The following GRIN2D variants were observed in gnomAD, a reference collection of about 807,000 sequenced individuals.
GRIN2D encodes the protein glutamate receptor ionotropic, NMDA 2D.
Under a neutral mutation model 103.2 loss-of-function variants are expected in GRIN2D, and 37 were observed. The observed-to-expected ratio is 0.36, with a 90% CI of 0.28 to 0.47. The LOEUF (loss-of-function observed/expected upper bound fraction) is 0.47. Ranked by LOEUF, GRIN2D falls within the 20% of genes least tolerant of loss-of-function variation. GRIN2D has a pLI of 1.00. For missense variants in GRIN2D, 1,557 were observed against 1,910.6 expected, an observed-to-expected ratio of 0.81 and a Z score of 3.45; for synonymous variants, 845 against 885.6, an observed-to-expected ratio of 0.95 and a Z score of 0.81.
chr19:48,438,287 C>CTTTTTTTTTTTTTTTTTTTTT, intron 11 of GRIN2D, among the ~76,000 whole-genome samples: 1 of 57,754 alleles, frequency 1.7e-5, no homozygotes, highest in Non-Finnish European at 2.9e-5. Context: ...ATCCAGCCGC[C>CTTTTTTTTTTTTTTTTTTTTT]TTTTTTTTTT....
intron 11 of GRIN2D, among the ~76,000 whole-genome samples, chr19:48,427,051 G>T (rs1395380290): frequency 6.6e-6 from 1 of 151,996 alleles, no homozygotes; most frequent in Non-Finnish European, 1.5e-5. Flanking sequence ...TAGGCACAGT[G>T]GCTCATGCCT....
At chr19:48,423,047 C>T (rs1391307128) in intron 11 of GRIN2D, among the ~76,000 whole-genome samples, 1 of 152,070 alleles carries the variant, frequency 6.6e-6, no homozygotes, top group Non-Finnish European at 1.5e-5. Context: ...CTTGTCTCTA[C>T]TTAAAATACA....
chr19:48,421,879 T>C lies in GRIN2D; in HGVS notation c.2186T>C (p.Met729Thr). 3 of 1,613,902 alleles carry C rather than the reference T, an allele frequency of 1.9e-6. No individual in the cohort carries two copies. The highest frequency in any genetic ancestry group is 2.2e-5 in the East Asian group (1 of 44,874). ...AACATCCGCAGCAACTATCCCGACATGCACAGCTACATGGTGCGCTACAAC... is the reference window on the plus strand; with the variant it reads ...AACATCCGCAGCAACTATCCCGACACGCACAGCTACATGGTGCGCTACAAC... ...EKNIRSNYPD[M>T]HSYMVRYNQP... The change falls in exon 11 of 14, where the codon ATG becomes ACG. Residue 729 changes from methionine to threonine, a missense_variant. This residue lies in a region of GRIN2D where 138 missense variants were observed against 270.2 expected (regional missense o/e 0.51). Transcript: ENST00000263269. The surrounding 1 kb of genome is among the most constrained non-coding windows in gnomAD (Gnocchi z 4.8).
rs994312324 is a variant in GRIN2D, at chr19:48,404,791, A to G, written c.523A>G (p.Ile175Val). 1 of 1,613,842 alleles carries G rather than the reference A, an allele frequency of 6.2e-7. No homozygotes were observed. Among genetic ancestry groups the G allele is most frequent in the African/African-American group, 1.3e-5 (1 of 74,916 alleles). ...TTCCACCGAGCAACAGCTTCAGGTC[A>G]TCTTTGAGGTGCTGGAGGAGTATGA... Reference protein sequence around the residue: ...GSSTEQQLQVIFEVLEEYDWT... With the variant: ...GSSTEQQLQVVFEVLEEYDWT... Residue 175 changes from isoleucine (I) to valine (V), a missense_variant, in exon 4 of 14, where the codon ATC (isoleucine) becomes GTC (valine). Coordinates refer to ENST00000263269, the MANE Select transcript of GRIN2D (RefSeq NM_000836.4).
chr19:48,407,807 T>A (rs868438452), intron 4 of GRIN2D, among the ~76,000 whole-genome samples: 1 of 152,044 alleles, frequency 6.6e-6, no homozygotes, highest in Non-Finnish European at 1.5e-5. Flanking sequence ...AAAATCAAAC[T>A]GGGGAATGTG....
chr19:48,443,211 G>A lies in GRIN2D; in HGVS notation c.3285G>A (p.Pro1095=). Residue 1095 remains proline (P), a synonymous_variant, in exon 14 of 14, where the codon CCG becomes CCA. Transcript: ENST00000263269. The surrounding 1 kb of genome is among the most constrained non-coding windows in gnomAD (Gnocchi z 8.9). The stretch of plus-strand genomic sequence containing the variant: ...GAGGAGCCCCGGCCGCTCCGCCCCC[G>A]TGCCGCGCCGCGCCGCCCCCGTGCC... ...AGGGAPAAPP[P]CRAAPPPCPY... 6.3e-6 allele frequency: 8 copies of A among 1,276,140 alleles called. No homozygotes were observed. The highest frequency in any genetic ancestry group is 8.0e-6 in the Non-Finnish European group (8 of 996,340). The allele number at this position is 1,276,140 out of a possible 1,614,324, so 79.1% of individuals were successfully genotyped here. A position where few individuals can be genotyped will look rare whatever the true frequency, so the allele number is the denominator to read the frequency against.
rs1971347650 is a variant in GRIN2D, at chr19:48,443,990, G to T, written c.*53G>T. On this transcript the variant is annotated 3_prime_UTR_variant, in exon 14 of 14. Transcript: ENST00000263269. This position sits in a 1 kb window ranked among gnomAD's most constrained non-coding sequence, Gnocchi z 8.9. ...TTGGTCAGCGCAGGCCACGGCCCGAGGGGGCGCCCGCAGTGGACAGGACCC... is the reference window on the plus strand; with the variant it reads ...TTGGTCAGCGCAGGCCACGGCCCGATGGGGCGCCCGCAGTGGACAGGACCC... 4 of 1,216,168 alleles carry T rather than the reference G, an allele frequency of 3.3e-6. No individual in the cohort carries two copies. In the East Asian group the frequency reaches 9.5e-5, roughly 29 times the overall value. The allele number at this position is 1,216,168 out of a possible 1,614,324, so 75.3% of individuals were successfully genotyped here.
chr19:48,401,256 AGG>A (rs879634908), intron 3 of GRIN2D, among the ~76,000 whole-genome samples: 40 of 151,082 alleles, frequency 2.6e-4, no homozygotes, highest in Non-Finnish European at 4.1e-4. Context: ...ACAGTTCTAG[AGG>A]GGGGGGGAAA....
In GRIN2D at chr19:48,405,407, C is replaced by T; in HGVS notation, c.1085+54C>T. On this transcript the variant is annotated intron_variant, in intron 4 of 13. Coordinates refer to ENST00000263269, the MANE Select transcript of GRIN2D (RefSeq NM_000836.4). This position sits in a 1 kb window ranked among gnomAD's most constrained non-coding sequence, Gnocchi z 5.1. ...GGGAGGGCTCCCAGAGCCTAACTAC[C>T]TCAGTATTCACTGAATGAGTGGCTC... 1 of 1,468,820 alleles carries T rather than the reference C, an allele frequency of 6.8e-7. No individual in the cohort carries two copies. Among genetic ancestry groups the T allele is most frequent in the Non-Finnish European group, 9.0e-7 (1 of 1,106,864 alleles). The allele number at this position is 1,468,820 out of a possible 1,614,324, so 91.0% of individuals were successfully genotyped here. A position where few individuals can be genotyped will look rare whatever the true frequency, so the allele number is the denominator to read the frequency against.
chr19:48,430,922 C>T (rs556555308), intron 11 of GRIN2D, among the ~76,000 whole-genome samples: 3 of 150,512 alleles, frequency 2.0e-5, no homozygotes, highest in South Asian at 4.2e-4. Flanking sequence ...TGGGTTCAAG[C>T]GATTCTCATG....
intron 3 of GRIN2D, 81 bp from the exon 4 acceptor site, chr19:48,404,653 G>A (rs1171877206): frequency 4.4e-6 from 6 of 1,370,948 alleles, no homozygotes; most frequent in Middle Eastern, 2.3e-4. Context: ...TGCCATATTG[G>A]GAGCTGTGGT....
chr19:48,406,151 A>T (rs1970789558), intron 4 of GRIN2D, among the ~76,000 whole-genome samples: 1 of 152,144 alleles, frequency 6.6e-6, no homozygotes, highest in Admixed American at 6.6e-5. Context: ...CTGATTGACT[A>T]GACGTCCATT....
At position 48,443,926 on chromosome 19, in the gene GRIN2D, T is replaced by A; in HGVS notation, c.4000T>A (p.Ser1334Thr). Reference protein sequence around the residue: ...RGSAHFSSLESEV With the variant: ...RGSAHFSSLETEV ...CTCGGCGCACTTCTCTAGCCTCGAG[T>A]CCGAGGTATGACGCGGCCCCGGGGG... Residue 1334 changes from serine (S) to threonine (T), a missense_variant, in exon 14 of 14, where the codon TCC becomes ACC. Ser to Thr is a moderately conservative substitution (Grantham distance 58). Coordinates refer to ENST00000263269, the MANE Select transcript of GRIN2D (RefSeq NM_000836.4). The surrounding 1 kb of genome is among the most constrained non-coding windows in gnomAD (Gnocchi z 8.9). 7.0e-7 allele frequency: 1 copy of A among 1,425,510 alleles called. No homozygotes were observed. Among genetic ancestry groups the A allele is most frequent in the Non-Finnish European group, 9.2e-7 (1 of 1,090,474 alleles). 88.3% of individuals were successfully genotyped at this position (1,425,510 alleles called of 1,614,324 possible). A position where few individuals can be genotyped will look rare whatever the true frequency, so the allele number is the denominator to read the frequency against.
chr19:48,430,846 GTC>G (rs1021475622), intron 11 of GRIN2D, among the ~76,000 whole-genome samples: 1 of 146,448 alleles, frequency 6.8e-6, no homozygotes, highest in Non-Finnish European at 1.5e-5. Flanking sequence ...TTGAGACAGG[GTC>G]TCTCTCTGTC....
In GRIN2D at chr19:48,394,763, G is replaced by T; in HGVS notation, c.-200G>T. 1 of 155,600 alleles carries T rather than the reference G, an allele frequency of 6.4e-6. No homozygotes were observed. Among genetic ancestry groups the T allele is most frequent in the Non-Finnish European group, 1.4e-5 (1 of 70,520 alleles). 9.6% of individuals were successfully genotyped at this position (155,600 alleles called of 1,614,324 possible). On this transcript the variant is annotated 5_prime_UTR_variant, in exon 2 of 14. Coordinates refer to ENST00000263269, the MANE Select transcript of GRIN2D (RefSeq NM_000836.4). This position sits in a 1 kb window ranked among gnomAD's most constrained non-coding sequence, Gnocchi z 5.1. ...AAGAGGAAGGAGAGACGGAGCCAGG[G>T]ACAGACAGGAGGTCCGGGCTGCCGC...
At chr19:48,426,560 C>CT (rs1014269795) in intron 11 of GRIN2D, among the ~76,000 whole-genome samples, 27 of 147,222 alleles carry the variant, frequency 1.8e-4, no homozygotes, top group South Asian at 1.3e-3. Flanking sequence ...GTAATTGCCT[C>CT]TTTTTTTTTT....
chr19:48,438,345 C>T (rs1047166967), intron 11 of GRIN2D, among the ~76,000 whole-genome samples: 1 of 118,604 alleles, frequency 8.4e-6, no homozygotes, highest in Non-Finnish European at 1.6e-5. Flanking sequence ...GTCGCCCAGG[C>T]TGGAGTGTAG....
chr19:48,423,466 C>T (rs77116713), intron 11 of GRIN2D, among the ~76,000 whole-genome samples: 2,915 of 151,946 alleles, frequency 0.019, 95 homozygotes, highest in African/African-American at 0.067. Flanking sequence ...AGCTAGAGGG[C>T]GGCAGGGCTG....
chr19:48,415,897 C>G, intron 7 of GRIN2D, 105 bp from the exon 8 acceptor site: 1 of 1,003,352 alleles, frequency 1.0e-6, no homozygotes, highest in South Asian at 1.3e-5. Context: ...CCTTCCCTCA[C>G]CCTGTCACTG....
Sources: allele counts gnomAD v4.1 joint callset (sites outside exome capture counted in the v4.1 genomes callset), GRCh38; gene constraint gnomAD v4.1.1; regional missense constraint gnomAD v4.1.1; non-coding constraint Gnocchi (gnomAD v3.1); transcripts MANE v1.5; gene names NCBI Gene and HGNC (gene_info 2026-07-23, HGNC 2026-07-21).